The following ZNF850 variants were observed in gnomAD, a reference collection of about 807,000 sequenced individuals.
ZNF850 encodes the protein zinc finger protein 850, also known as putative zinc finger protein ENSP00000330994.
A neutral mutation model predicts 11.9 loss-of-function variants in ZNF850; 2 were observed. The observed-to-expected ratio is 0.17, with a 90% CI of 0.07 to 0.53. The LOEUF (loss-of-function observed/expected upper bound fraction) is 0.53, where lower values mean the gene tolerates loss of function less well. Ranked by LOEUF, ZNF850 falls within the 20% of genes least tolerant of loss-of-function variation. The probability of loss-of-function intolerance (pLI) is 0.94; values close to 1 mark genes in which losing one functional copy is unlikely to be tolerated. For synonymous variants in ZNF850, 381 were observed against 443.0 expected (o/e 0.86, Z 1.76); for missense variants, 1,014 against 1,316.4 (o/e 0.77, Z 3.55).
chr19:36,769,452 A>T (rs2040568978), intron 1 of ZNF850, among the ~76,000 whole-genome samples: 1 of 151,800 alleles, frequency 6.6e-6, no homozygotes, highest in Non-Finnish European at 1.5e-5. Flanking sequence ...ATTTGTAATT[A>T]TGCCAGAGTG....
At chr19:36,764,659 T>C (rs1273174322) in intron 1 of ZNF850, among the ~76,000 whole-genome samples, 1 of 152,128 alleles carries the variant, frequency 6.6e-6, no homozygotes, top group Non-Finnish European at 1.5e-5. Flanking sequence ...ATAATTTTTG[T>C]GCATGTGTGT....
At chr19:36,758,969 G>A (rs539191774) in intron 4 of ZNF850, among the ~76,000 whole-genome samples, 1 of 152,110 alleles carries the variant, frequency 6.6e-6, no homozygotes, top group African/African-American at 2.4e-5. Context: ...TGTAATCCCA[G>A]CTACTCAGGA....
At chr19:36,768,339 G>A (rs1033620068) in intron 1 of ZNF850, among the ~76,000 whole-genome samples, 4 of 152,024 alleles carry the variant, frequency 2.6e-5, no homozygotes, top group African/African-American at 9.7e-5. Context: ...ATTTTGATTA[G>A]AATCTTTAAA....
chr19:36,758,372 A>T (rs1162642394), intron 4 of ZNF850, among the ~76,000 whole-genome samples: 6 of 152,170 alleles, frequency 3.9e-5, no homozygotes, highest in Non-Finnish European at 8.8e-5. Flanking sequence ...TATCATGAAA[A>T]TTAAAAAGTT....
At chr19:36,751,934 C>T (rs756191670) in intron 4 of ZNF850, among the ~76,000 whole-genome samples, 1 of 152,082 alleles carries the variant, frequency 6.6e-6, no homozygotes, top group Non-Finnish European at 1.5e-5. Context: ...GTACTAACCT[C>T]ACAACTTTTC....
chr19:36,771,037 C>A (rs2040578650), intron 1 of ZNF850, among the ~76,000 whole-genome samples: 1 of 152,130 alleles, frequency 6.6e-6, no homozygotes, highest in Admixed American at 6.6e-5. Context: ...GCTTTCAATC[C>A]CAGGGCTATG....
chr19:36,750,238 G>T lies in ZNF850; in HGVS notation c.802C>A (p.Leu268Ile). 1 of 1,538,378 alleles carries T rather than the reference G, an allele frequency of 6.5e-7. No homozygotes were observed. The highest frequency in any genetic ancestry group is 1.2e-5 in the South Asian group (1 of 84,060). ...GTATGAATTCTCCAATGTTGAATAA[G>T]ATGTGCAGACGGTCTAAAGGCCTTC... Reference protein sequence around the residue: ...SVKAFRPSAHLIQHWRIHTGD... With the variant: ...SVKAFRPSAHIIQHWRIHTGD... Residue 268 changes from leucine (L) to isoleucine (I), a missense_variant, in exon 5 of 5, where the codon CTT (leucine) becomes ATT (isoleucine). Physicochemically the swap from Leu to Ile is conservative, Grantham distance 5. Transcript: ENST00000591344.
chr19:36,748,174 T>C lies in ZNF850; in HGVS notation c.2866A>G (p.Lys956Glu). 6.4e-7 allele frequency: 1 copy of C among 1,553,414 alleles called. No homozygotes were observed. The highest frequency in any genetic ancestry group is 1.2e-5 in the South Asian group (1 of 84,732). The change falls in exon 5 of 5, where the codon AAG becomes GAG. Residue 956 changes from lysine to glutamate, a missense_variant. Lys to Glu is a moderately conservative substitution (Grantham distance 56). Transcript: ENST00000591344. ...TGTCTGAAGGACTTCCCACATGTCT[T>C]ACATTCATAGGGTTTCTCGCCAGTG... ...IHTGEKPYECKTCGKSFRQRT... is the reference protein window; with the variant it reads ...IHTGEKPYECETCGKSFRQRT...
intron 1 of ZNF850, among the ~76,000 whole-genome samples, chr19:36,763,036 G>A (rs759354570): frequency 9.2e-5 from 14 of 151,860 alleles, no homozygotes; most frequent in Non-Finnish European, 1.9e-4. Context: ...GACTATAGGC[G>A]TGCACCACCA....
chr19:36,755,308 A>G (rs998278281), intron 4 of ZNF850, among the ~76,000 whole-genome samples: 1 of 152,036 alleles, frequency 6.6e-6, no homozygotes, highest in Non-Finnish European at 1.5e-5. Context: ...GCTCACTGCA[A>G]CCTCCACCTC....
At chr19:36,750,867 A>G (rs987210879) in intron 4 of ZNF850, 63 bp from the exon 5 acceptor site, 3 of 1,419,412 alleles carry the variant, frequency 2.1e-6, no homozygotes, top group Admixed American at 2.8e-5. Context: ...AAAAACATCT[A>G]TGGTAGAAAG....
rs1405784110 is a variant in ZNF850 at position 36,749,176 on chromosome 19, A to T, written c.1864T>A (p.Cys622Ser). 4 of 1,605,740 alleles carry T rather than the reference A, an allele frequency of 2.5e-6. No homozygotes were observed. Among genetic ancestry groups the T allele is most frequent in the Non-Finnish European group, 3.4e-6 (4 of 1,177,648 alleles). ...TGEKPYDCKE[C>S]GKAFRLRLRL... The stretch of plus-strand genomic sequence containing the variant: ...AAACGAAGTCTAAAGGCCTTCCCAC[A>T]TTCCTTACAATCATAAGGTTTCTCA... Residue 622 changes from cysteine to serine, a missense_variant, in exon 5 of 5, where the codon TGT (cysteine) becomes AGT (serine). Physicochemically the swap from Cys to Ser is moderately radical, Grantham distance 112. This residue lies in a region of ZNF850 where 835 missense variants were observed against 1,022.0 expected (regional missense o/e 0.82). Coordinates refer to ENST00000591344, the MANE Select transcript of ZNF850 (RefSeq NM_001193552.2).
chr19:36,748,717 G>A lies in ZNF850; in HGVS notation c.2323C>T (p.His775Tyr). 2 of 1,539,948 alleles carry A rather than the reference G, an allele frequency of 1.3e-6. No homozygotes were observed. Among genetic ancestry groups the A allele is most frequent in the Non-Finnish European group, 1.7e-6 (2 of 1,147,858 alleles). The change falls in exon 5 of 5, where the codon CAT becomes TAT. Residue 775 changes from histidine (H) to tyrosine (Y), a missense_variant. Transcript: ENST00000591344. ...SFTSHSTLIQ[H>Y]QQIHTGEKLY... ...TTCTCACCAGTGTGTATTTGCTGATGTTGAATTAGTGTTGAGTGAGAAGTA... is the reference window on the plus strand; with the variant it reads ...TTCTCACCAGTGTGTATTTGCTGATATTGAATTAGTGTTGAGTGAGAAGTA...
chr19:36,772,062 C>T (rs530631642), intron 1 of ZNF850, among the ~76,000 whole-genome samples: 1 of 152,274 alleles, frequency 6.6e-6, no homozygotes, highest in East Asian at 1.9e-4. Flanking sequence ...CGTGTACATG[C>T]CCACAAAAGA....
At position 36,750,763 on chromosome 19, in the gene ZNF850, T is replaced by C. The variant is rs1373035032; in HGVS notation, c.277A>G (p.Lys93Glu). Residue 93 changes from lysine to glutamate, a missense_variant, in exon 5 of 5, where the codon AAA becomes GAA. Physicochemically the swap from Lys to Glu is moderately conservative, Grantham distance 56. Transcript: ENST00000591344. ...GATGATGTTACTTCATAGATTTCTT[T>C]TGGCAAACATGAATCTTTGGTCTTA... ...RCKTKDSCLP[K>E]EIYEVTSSQW... 4 of 1,525,216 alleles carry C rather than the reference T, an allele frequency of 2.6e-6. No homozygotes were observed. Among genetic ancestry groups the C allele is most frequent in the Non-Finnish European group, 3.5e-6 (4 of 1,140,834 alleles). The allele number at this position is 1,525,216 out of a possible 1,614,324, so 94.5% of individuals were successfully genotyped here.
intron 3 of ZNF850, 68 bp downstream of exon 3, chr19:36,762,237 A>G: frequency 1.5e-6 from 2 of 1,362,182 alleles, no homozygotes; most frequent in Non-Finnish European, 1.9e-6. Context: ...GCAACAGGTG[A>G]AAAGTCACCC....
At chr19:36,759,527 T>G (rs982955289) in intron 4 of ZNF850, among the ~76,000 whole-genome samples, 1 of 152,072 alleles carries the variant, frequency 6.6e-6, no homozygotes, top group Non-Finnish European at 1.5e-5. Context: ...TTTAATATTA[T>G]TGAACTCATG....
intron 1 of ZNF850, among the ~76,000 whole-genome samples, chr19:36,769,134 A>G (rs1201807767): frequency 1.3e-5 from 2 of 151,224 alleles, no homozygotes; most frequent in African/African-American, 4.9e-5. Flanking sequence ...GGTTGCGGGC[A>G]CCTGTAATCC....
chr19:36,759,731 A>AT (rs927938607), intron 4 of ZNF850, among the ~76,000 whole-genome samples: 9 of 152,260 alleles, frequency 5.9e-5, no homozygotes, highest in Admixed American at 2.0e-4. Flanking sequence ...TTAAAAAAAA[A>AT]TTTTTTTGTA....
Sources: gnomAD v4.1 joint callset for allele counts (sites outside exome capture counted in the v4.1 genomes callset) on GRCh38, gnomAD v4.1.1 for gene constraint, gnomAD v4.1.1 regional missense constraint, MANE v1.5 for transcripts, NCBI Gene and HGNC (gene_info 2026-07-23, HGNC 2026-07-21) for gene names.